STARD13: variants seen among roughly 807,000 people sequenced by gnomAD.
STARD13 encodes the protein stAR-related lipid transfer protein 13.
Under a neutral mutation model 106.4 loss-of-function variants are expected in STARD13, and 62 were observed. The observed-to-expected ratio is 0.58, with a 90% CI of 0.48 to 0.72. The LOEUF (loss-of-function observed/expected upper bound fraction) is 0.72, where lower values mean the gene tolerates loss of function less well. STARD13 is among the 30% of genes least tolerant of loss of function. The pLI, the probability that STARD13 is intolerant of heterozygous loss-of-function variation, is 0.00. For synonymous variants in STARD13, 565 were observed against 553.0 expected, an observed-to-expected ratio of 1.02 and a Z score of -0.31; for missense variants, 1,387 against 1,424.0, an observed-to-expected ratio of 0.97 and a Z score of 0.42.
the STARD13 span, among the ~76,000 whole-genome samples, chr13:33,506,953 T>C: frequency 6.6e-6 from 1 of 152,038 alleles, no homozygotes; most frequent in Non-Finnish European, 1.5e-5. Context: ...CTCTACAAAT[T>C]AGCCAGGTGT....
In STARD13 at chr13:33,129,933, A is replaced by G; in HGVS notation, c.744T>C (p.Asn248=). Residue 248 remains asparagine (N), a synonymous_variant, in exon 5 of 14, where the codon AAT becomes AAC. Coordinates refer to ENST00000336934, the MANE Select transcript of STARD13 (RefSeq NM_178006.4). The stretch of plus-strand genomic sequence containing the variant: ...TGGCCCTAGCCCTCGTGGGCTTCTC[A>G]TTCTTGGGGTGGAAGGGGTGGTTGA... ...DVLNHPFHPK[N]EKPTRARAKS... The G allele has an allele frequency of 6.2e-7, 1 of 1,613,098 alleles. No individual in the cohort carries two copies. The highest frequency in any genetic ancestry group is 1.3e-5 in the African/African-American group (1 of 74,890).
intron 1 of STARD13, among the ~76,000 whole-genome samples, chr13:33,243,303 G>C (rs1177740332): frequency 6.6e-6 from 1 of 152,140 alleles, no homozygotes; most frequent in East Asian, 1.9e-4. Context: ...AGTGTGGAAG[G>C]GGGAATGGTA....
At chr13:33,325,780 G>T (rs1248779932) in intron 1 of STARD13, among the ~76,000 whole-genome samples, 2 of 151,996 alleles carry the variant, frequency 1.3e-5, no homozygotes, top group Non-Finnish European at 2.9e-5. Flanking sequence ...GGATCACGAG[G>T]TCAGGAGATC....
At chr13:33,247,727 T>C (rs147542013) in intron 1 of STARD13, among the ~76,000 whole-genome samples, 1 of 152,206 alleles carries the variant, frequency 6.6e-6, no homozygotes, top group East Asian at 1.9e-4. Flanking sequence ...TTGTAAGTGC[T>C]GGAACCGTGA....
At chr13:33,349,501 C>T (rs933661756) in intron 1 of STARD13, among the ~76,000 whole-genome samples, 9 of 152,208 alleles carry the variant, frequency 5.9e-5, no homozygotes, top group Non-Finnish European at 1.2e-4. Flanking sequence ...AGAAAGAGGG[C>T]TCCATGGAGC....
At chr13:33,241,810 G>A (rs1265414809) in intron 1 of STARD13, among the ~76,000 whole-genome samples, 5 of 152,206 alleles carry the variant, frequency 3.3e-5, no homozygotes, top group African/African-American at 7.2e-5. Flanking sequence ...CCGAGGTGCC[G>A]GGATGGCAGA....
At chr13:33,396,276 A>C in the STARD13 span, among the ~76,000 whole-genome samples, 1 of 152,222 alleles carries the variant, frequency 6.6e-6, no homozygotes, top group Non-Finnish European at 1.5e-5. Flanking sequence ...GATTATAGGC[A>C]TGAGCCACGG....
chr13:33,482,957 A>G, the STARD13 span, among the ~76,000 whole-genome samples: 2 of 152,222 alleles, frequency 1.3e-5, no homozygotes, highest in Admixed American at 6.5e-5. Flanking sequence ...GAGGAGAATA[A>G]TAACACTGAC....
intron 1 of STARD13, among the ~76,000 whole-genome samples, chr13:33,204,519 T>G (rs1402480091): frequency 6.6e-6 from 1 of 152,224 alleles, no homozygotes; most frequent in East Asian, 1.9e-4. Context: ...TCATTTCTTA[T>G]GAGACGCGTG....
the STARD13 span, among the ~76,000 whole-genome samples, chr13:33,377,502 T>C: frequency 6.6e-6 from 1 of 152,190 alleles, no homozygotes; most frequent in Non-Finnish European, 1.5e-5. Context: ...TTAATTCTAT[T>C]GATCTTTGCA....
intron 1 of STARD13, among the ~76,000 whole-genome samples, chr13:33,298,474 C>T (rs1244982963): frequency 2.6e-5 from 4 of 151,890 alleles, no homozygotes; most frequent in Non-Finnish European, 5.9e-5. Context: ...TTCAGCTTCT[C>T]AGGAGACCAC....
the STARD13 span, among the ~76,000 whole-genome samples, chr13:33,655,166 A>C: frequency 1.3e-5 from 2 of 152,244 alleles, no homozygotes; most frequent in African/African-American, 2.4e-5. Context: ...AGAAGTAATT[A>C]TTAGTGAGAG....
intron 1 of STARD13, among the ~76,000 whole-genome samples, chr13:33,307,013 C>T (rs149679391): frequency 1.3e-5 from 2 of 151,924 alleles, no homozygotes; most frequent in African/African-American, 4.8e-5. Context: ...ACAGACATTT[C>T]TCAAAAGAAG....
At chr13:33,437,388 T>C in the STARD13 span, among the ~76,000 whole-genome samples, 8 of 151,964 alleles carry the variant, frequency 5.3e-5, no homozygotes, top group Admixed American at 4.6e-4. Context: ...GAGACAGGAG[T>C]CTTGCTGATG....
the STARD13 span, among the ~76,000 whole-genome samples, chr13:33,499,620 TTC>T: frequency 3.4e-5 from 4 of 117,846 alleles, 1 homozygote; most frequent in African/African-American, 1.3e-4. Context: ...CTTCTTCTTC[TTC>T]TTCTTCTTCT....
chr13:33,154,062 G>A (rs932554519), intron 3 of STARD13, among the ~76,000 whole-genome samples: 20 of 152,206 alleles, frequency 1.3e-4, no homozygotes, highest in Admixed American at 3.9e-4. Context: ...AGATTCTGGA[G>A]AGCAGAGATG....
chr13:33,437,072 G>A, the STARD13 span, among the ~76,000 whole-genome samples: 1 of 152,116 alleles, frequency 6.6e-6, no homozygotes, highest in Non-Finnish European at 1.5e-5. Context: ...GAAAGAAAAA[G>A]TAAAAATTAA....
the STARD13 span, among the ~76,000 whole-genome samples, chr13:33,593,608 T>C: frequency 2.6e-5 from 4 of 152,206 alleles, no homozygotes; most frequent in African/African-American, 9.6e-5. Flanking sequence ...CATGCCAGTC[T>C]TGCCTTAGCT....
At chr13:33,287,561 T>C (rs1386812381), upstream of STARD13, among the ~76,000 whole-genome samples, 2 of 151,948 alleles carry the variant, frequency 1.3e-5, no homozygotes, top group African/African-American at 2.4e-5. Context: ...CTGTGGAAGG[T>C]GAAAGGGATC....
Sources: allele counts gnomAD v4.1 joint callset (sites outside exome capture counted in the v4.1 genomes callset), GRCh38; gene constraint gnomAD v4.1.1; transcripts MANE v1.5; gene names NCBI Gene and HGNC (gene_info 2026-07-23, HGNC 2026-07-21).